PTPRM: variants seen among roughly 807,000 people sequenced by gnomAD.
The protein encoded by PTPRM is protein tyrosine phosphatase receptor type M, also known as receptor-type tyrosine-protein phosphatase mu.
PTPRM carries 47 observed loss-of-function variants against 186.7 expected under a neutral mutation model. The ratio of observed to expected loss-of-function variants is 0.25; its 90% CI spans 0.20 to 0.32. PTPRM has a LOEUF of 0.32. PTPRM is among the 10% of genes least tolerant of loss of function. PTPRM has a pLI of 1.00. For synonymous variants in PTPRM, 668 were observed against 674.9 expected (o/e 0.99, Z 0.16); for missense variants, 1,494 against 1,865.0 (o/e 0.80, Z 3.66).
chr18:7,589,221 T>A (rs2143604509), intron 1 of PTPRM, among the ~76,000 whole-genome samples: 1 of 152,340 alleles, frequency 6.6e-6, no homozygotes, highest in South Asian at 2.1e-4. Flanking sequence ...TGTCTGTTGT[T>A]TGAAAGCTTC....
At chr18:7,607,212 T>C (rs2037552771) in intron 1 of PTPRM, among the ~76,000 whole-genome samples, 2 of 152,118 alleles carry the variant, frequency 1.3e-5, no homozygotes, top group Admixed American at 1.3e-4. Flanking sequence ...ATTAACACAA[T>C]TTTAATGATG....
chr18:7,655,893 G>C (rs912345520), intron 1 of PTPRM, among the ~76,000 whole-genome samples: 2 of 152,132 alleles, frequency 1.3e-5, no homozygotes, highest in Non-Finnish European at 2.9e-5. Flanking sequence ...AGGAGCAAAA[G>C]AACAAGGAAA....
chr18:7,695,431 G>A (rs1352456876), intron 1 of PTPRM, among the ~76,000 whole-genome samples: 2 of 152,154 alleles, frequency 1.3e-5, no homozygotes, highest in Non-Finnish European at 2.9e-5. Flanking sequence ...ACCACTTATT[G>A]CTTACATGGG....
rs1173575288 is a variant in PTPRM at position 7,961,227 on chromosome 18, AT to A, written c.1132+5814del. ...CTATCAAATACTAGTTTCATTGAGA[AT>A]CTTTACATCTTCCCAAACTGAAACA... is the stretch of plus-strand genomic sequence containing the variant. On this transcript the variant is annotated intron_variant, in intron 7 of 32. Transcript: ENST00000580170. Among the ~76,000 whole-genome samples, 6 of 152,292 alleles carry A rather than the reference AT, an allele frequency of 3.9e-5. No individual in the cohort carries two copies. The South Asian group carries it at 1.2e-3, about 32-fold the overall frequency.
Position 8,113,896 on chromosome 18 carries a change from A to T in PTPRM, c.2130+137A>T, listed in dbSNP as rs556853144. 2.2e-4 allele frequency: 219 copies of T among 996,166 alleles called. No individual in the cohort carries two copies. In the African/African-American group the frequency reaches 3.3e-3, roughly 15 times the overall value. The allele number at this position is 996,166 out of a possible 1,614,324, so 61.7% of individuals were successfully genotyped here. On this transcript the variant is annotated intron_variant, in intron 12 of 32. Transcript: ENST00000580170. Reference sequence around the variant, plus strand: ...TAAACAAATGTGATTTTCTTCTCTTAAAATTATTTTTGTCTAGAGAAATTT... The same window carrying T: ...TAAACAAATGTGATTTTCTTCTCTTTAAATTATTTTTGTCTAGAGAAATTT...
At chr18:8,148,309 A>C (rs906973236) in intron 14 of PTPRM, among the ~76,000 whole-genome samples, 4 of 152,188 alleles carry the variant, frequency 2.6e-5, no homozygotes, top group Admixed American at 6.5e-5. Context: ...GCTATTAATT[A>C]CTGCCTCAAT....
intron 1 of PTPRM, among the ~76,000 whole-genome samples, chr18:7,738,221 TG>T (rs2040811919): frequency 6.6e-6 from 1 of 152,220 alleles, no homozygotes; most frequent in Non-Finnish European, 1.5e-5. Flanking sequence ...AACACATTTT[TG>T]CCAACGAGAA....
intron 7 of PTPRM, among the ~76,000 whole-genome samples, chr18:8,012,535 C>T (rs2084596108): frequency 6.6e-6 from 1 of 152,170 alleles, no homozygotes; most frequent in Non-Finnish European, 1.5e-5. Context: ...ATGGTTGAGC[C>T]TACTATGCAC....
intron 22 of PTPRM, among the ~76,000 whole-genome samples, chr18:8,339,074 C>T (rs2095457949): frequency 6.6e-6 from 1 of 152,102 alleles, no homozygotes; most frequent in Admixed American, 6.5e-5. Flanking sequence ...TTTGATATCT[C>T]TCACTTCCCA....
intron 2 of PTPRM, among the ~76,000 whole-genome samples, chr18:7,884,886 T>G (rs928449036): frequency 1.1e-4 from 13 of 120,018 alleles, no homozygotes; most frequent in Admixed American, 3.4e-4. Context: ...ATCACGCCAT[T>G]GCACTCCAGC....
At chr18:7,759,125 C>G in intron 1 of PTPRM, among the ~76,000 whole-genome samples, 1 of 152,174 alleles carries the variant, frequency 6.6e-6, no homozygotes, top group East Asian at 1.9e-4. Flanking sequence ...TCTGTGAAGC[C>G]TCCTCTAGGC....
chr18:7,874,397 A>G (rs1298173961), intron 2 of PTPRM, among the ~76,000 whole-genome samples: 6 of 152,190 alleles, frequency 3.9e-5, no homozygotes, highest in Non-Finnish European at 4.4e-5. Context: ...GAATTTAGCT[A>G]TCTTGTTTTT....
intron 1 of PTPRM, among the ~76,000 whole-genome samples, chr18:7,757,590 G>C (rs879323058): frequency 6.6e-6 from 1 of 152,034 alleles, no homozygotes; most frequent in Non-Finnish European, 1.5e-5. Flanking sequence ...ATCTGTTCTT[G>C]GGAAGCCAAG....
intron 6 of PTPRM, among the ~76,000 whole-genome samples, chr18:7,949,820 G>A (rs564689591): frequency 6.6e-6 from 1 of 150,602 alleles, no homozygotes; most frequent in Non-Finnish European, 1.5e-5. Flanking sequence ...TAATGTTCCA[G>A]TTAGGTTCTA....
intron 11 of PTPRM, among the ~76,000 whole-genome samples, chr18:8,099,485 T>G (rs911102729): frequency 6.6e-6 from 1 of 152,204 alleles, no homozygotes; most frequent in African/African-American, 2.4e-5. Context: ...GAAGAATTTT[T>G]ACTGAGGCAA....
intron 8 of PTPRM, among the ~76,000 whole-genome samples, chr18:8,070,951 T>C (rs2089438940): frequency 6.6e-6 from 1 of 152,226 alleles, no homozygotes; most frequent in African/African-American, 2.4e-5. Flanking sequence ...TATCGTTTCA[T>C]TTAAAGAGCT....
intron 14 of PTPRM, among the ~76,000 whole-genome samples, chr18:8,215,791 T>G (rs886314970): frequency 6.6e-6 from 1 of 152,060 alleles, no homozygotes; most frequent in Non-Finnish European, 1.5e-5. Flanking sequence ...CAAGGGATCC[T>G]CCTGCCTTGA....
chr18:8,326,536 A>G (rs1043883764), intron 22 of PTPRM, among the ~76,000 whole-genome samples: 2 of 152,236 alleles, frequency 1.3e-5, no homozygotes, highest in African/African-American at 4.8e-5. Flanking sequence ...TTGAAACTGT[A>G]CTACATGGCT....
intron 7 of PTPRM, among the ~76,000 whole-genome samples, chr18:7,967,265 C>T (rs1341115830): frequency 7.5e-5 from 1 of 13,402 alleles, no homozygotes; most frequent in South Asian, 1.6e-3. Flanking sequence ...AGAAGGAAAA[C>T]TAACAAACAG....
Sources: allele counts gnomAD v4.1 joint callset (sites outside exome capture counted in the v4.1 genomes callset), GRCh38; gene constraint gnomAD v4.1.1; transcripts MANE v1.5; gene names NCBI Gene and HGNC (gene_info 2026-07-23, HGNC 2026-07-21).